MPRIP: variants seen among roughly 807,000 people sequenced by gnomAD.
MPRIP encodes the protein myosin phosphatase Rho-interacting protein.
A neutral mutation model predicts 234.9 loss-of-function variants in MPRIP; 59 were observed. The observed-to-expected ratio is 0.25, with a 90% CI of 0.20 to 0.31. MPRIP has a LOEUF of 0.31. Among genes scored for constraint, MPRIP ranks in the 10% least tolerant of loss-of-function variants. The probability of loss-of-function intolerance (pLI) is 1.00; values close to 1 mark genes in which losing one functional copy is unlikely to be tolerated. For synonymous variants in MPRIP, 1,144 were observed against 1,263.9 expected, an observed-to-expected ratio of 0.91 and a Z score of 2.01; for missense variants, 2,436 against 3,071.0, an observed-to-expected ratio of 0.79 and a Z score of 4.89.
rs541110800 is a variant in MPRIP at position 17,153,622 on chromosome 17, C to T, written c.1720-684C>T. Among the ~76,000 whole-genome samples, 20 of 97,156 alleles carry T rather than the reference C, an allele frequency of 2.1e-4. No individual in the cohort carries two copies. The East Asian group carries it at 6.2e-3, about 30-fold the overall frequency. 63.7% of individuals were successfully genotyped at this position (97,156 alleles called of 152,430 possible). On this transcript the variant is annotated intron_variant, in intron 12 of 23. Coordinates refer to ENST00000651222, the MANE Select transcript of MPRIP (RefSeq NM_001364716.4). ...GGACAAGCCCTAGACTCCACCTCAT[C>T]CAAGCAGGAGTCTAGGGCTTGTCTA...
In MPRIP at chr17:17,192,426, T is replaced by TGGGGGGGGGGGGGGGGGG. The variant is rs1157972241; in HGVS notation, c.*7532_*7533insGGGGGGGGGGGGGGGGGG. The TGGGGGGGGGGGGGGGGGG allele has an allele frequency of 3.4e-4, 1 of 2,962 alleles. No homozygotes were observed. Among genetic ancestry groups the TGGGGGGGGGGGGGGGGGG allele is most frequent in the African/African-American group, 9.4e-4 (1 of 1,068 alleles). 0.2% of individuals were successfully genotyped at this position (2,962 alleles called of 1,614,324 possible). A position where few individuals can be genotyped will look rare whatever the true frequency, so the allele number is the denominator to read the frequency against. On this transcript the variant is annotated 3_prime_UTR_variant, in exon 24 of 24. Coordinates refer to ENST00000651222, the MANE Select transcript of MPRIP (RefSeq NM_001364716.4). ...GACCAGCTGAGCTGCTGCTTTTTTT[T>TGGGGGGGGGGGGGGGGGG]TGGGGGGGGGGGGGGGAGGGGCGTC...
rs776107258 is a variant in MPRIP at position 17,138,426 on chromosome 17, G to A, written c.1247G>A (p.Arg416Gln). The A allele has an allele frequency of 3.2e-5, 8 of 248,062 alleles. No individual in the cohort carries two copies. Among genetic ancestry groups the A allele is most frequent in the Non-Finnish European group, 5.4e-5 (7 of 129,648 alleles). 15.4% of individuals were successfully genotyped at this position (248,062 alleles called of 1,614,324 possible). ...EEVARLFGNE[R>Q]RRSQVIEKFE... ...GTGGCCCGTCTGTTTGGCAACGAGC[G>A]GAGGTAAGGAGCAGGTTAGAGGGTT... Residue 416 changes from arginine (R) to glutamine (Q), a missense_variant, in exon 7 of 24, where the codon CGG (arginine) becomes CAG (glutamine). This residue lies in a region of MPRIP where 267 missense variants were observed against 252.7 expected (regional missense o/e 1.06). Coordinates refer to ENST00000651222, the MANE Select transcript of MPRIP (RefSeq NM_001364716.4). The surrounding 1 kb of genome is among the most constrained non-coding windows in gnomAD (Gnocchi z 5.8).
chr17:17,115,816 G>A (rs2090274493), intron 3 of MPRIP, among the ~76,000 whole-genome samples: 1 of 152,124 alleles, frequency 6.6e-6, no homozygotes, highest in African/African-American at 2.4e-5. Context: ...GGCTGGGGTG[G>A]TGGCTTCAGA....
At chr17:17,133,366 G>A (rs2090634169) in intron 5 of MPRIP, among the ~76,000 whole-genome samples, 1 of 152,204 alleles carries the variant, frequency 6.6e-6, no homozygotes, top group African/African-American at 2.4e-5. Flanking sequence ...AGTCAGTCTT[G>A]TGGGGTGACG....
chr17:17,121,563 C>T (rs1056988355), intron 3 of MPRIP, among the ~76,000 whole-genome samples: 3 of 152,210 alleles, frequency 2.0e-5, no homozygotes, highest in African/African-American at 7.2e-5. Flanking sequence ...ACCATTGTGC[C>T]CTGCGCCTGT....
intron 3 of MPRIP, among the ~76,000 whole-genome samples, chr17:17,121,745 TTA>T (rs1172737023): frequency 6.6e-6 from 1 of 152,202 alleles, no homozygotes; most frequent in African/African-American, 2.4e-5. Flanking sequence ...GTTGTACAGG[TTA>T]TTTCATCACC....
chr17:17,112,765 G>T (rs2090198635), intron 3 of MPRIP, among the ~76,000 whole-genome samples: 1 of 152,240 alleles, frequency 6.6e-6, no homozygotes, highest in Non-Finnish European at 1.5e-5. Flanking sequence ...AGGTGTTTCA[G>T]CGCAGCCGGT....
intron 3 of MPRIP, among the ~76,000 whole-genome samples, chr17:17,112,126 G>A (rs927120477): frequency 6.6e-6 from 1 of 152,150 alleles, no homozygotes; most frequent in African/African-American, 2.4e-5. Flanking sequence ...CTGTGTATGC[G>A]ATGGCAGTGA....
At chr17:17,056,745 A>G (rs1374772255) in intron 1 of MPRIP, among the ~76,000 whole-genome samples, 1 of 152,094 alleles carries the variant, frequency 6.6e-6, no homozygotes, top group Non-Finnish European at 1.5e-5. Context: ...CCATTGCTCC[A>G]AAAGAACCCC....
At chr17:17,149,724 T>C (rs1237426435) in intron 11 of MPRIP, 4 of 105,784 alleles carry the variant, frequency 3.8e-5, no homozygotes, top group South Asian at 3.3e-4. Context: ...TATATTTAAA[T>C]GTATAAAATA....
At chr17:17,107,818 T>C (rs2090092418) in intron 3 of MPRIP, among the ~76,000 whole-genome samples, 1 of 152,252 alleles carries the variant, frequency 6.6e-6, no homozygotes, top group Admixed American at 6.5e-5. Context: ...TTGAAGTCCT[T>C]TGGGCTTCCA....
Position 17,167,352 on chromosome 17 carries a change from G to A in MPRIP, c.5761G>A (p.Ala1921Thr), listed in dbSNP as rs572148296. 9.7e-5 allele frequency: 127 copies of A among 1,304,152 alleles called. No homozygotes were observed. Among genetic ancestry groups the A allele is most frequent in the Admixed American group, 1.6e-4 (7 of 43,562 alleles). The allele number at this position is 1,304,152 out of a possible 1,614,324, so 80.8% of individuals were successfully genotyped here. ...RENAELKAKA[A>T]QLDHQQQCLE... ...GAATGCAGAGCTCAAGGCCAAGGCC[G>A]CCCAGCTAGACCATCAGCAGCAGTG... is the stretch of plus-strand genomic sequence containing the variant. Residue 1921 changes from alanine (A) to threonine (T), a missense_variant, in exon 16 of 24, where the codon GCC becomes ACC. By Grantham distance (58) the Ala-to-Thr change is moderately conservative. This residue lies in a region of MPRIP where 1,998 missense variants were observed against 2,520.3 expected (regional missense o/e 0.79). Coordinates refer to ENST00000651222, the MANE Select transcript of MPRIP (RefSeq NM_001364716.4). This position sits in a 1 kb window ranked among gnomAD's most constrained non-coding sequence, Gnocchi z 5.9.
chr17:17,056,122 G>A (rs972985996), intron 1 of MPRIP, among the ~76,000 whole-genome samples: 19 of 152,274 alleles, frequency 1.2e-4, no homozygotes, highest in Admixed American at 1.1e-3. Flanking sequence ...GTCCAGGAGC[G>A]GGGCTGACCA....
In MPRIP at chr17:17,177,361, A is replaced by T. The variant is rs568785695; in HGVS notation, c.7069A>T (p.Thr2357Ser). ...SRLKEQLKAA[T>S]EALGEKSPDS... ...GTTGAAGGAGCAGCTCAAGGCTGCA[A>T]CGGAAGCACTGGGGGAGAAGTCCCC... The change falls in exon 22 of 24, where the codon ACG (threonine) becomes TCG (serine). Residue 2357 changes from threonine (T) to serine (S), a missense_variant. Around this residue, in one of 4 missense-constraint regions of MPRIP, gnomAD observed 1,998 missense variants for 2,520.3 expected, o/e 0.79. Coordinates refer to ENST00000651222, the MANE Select transcript of MPRIP (RefSeq NM_001364716.4). The T allele has an allele frequency of 6.2e-7, 1 of 1,613,890 alleles. No individual in the cohort carries two copies. The highest frequency in any genetic ancestry group is 1.7e-5 in the Admixed American group (1 of 60,024).
intron 14 of MPRIP, 37 bp downstream of exon 14, chr17:17,159,039 G>T: frequency 6.4e-7 from 1 of 1,569,388 alleles, no homozygotes; most frequent in South Asian, 1.2e-5. Context: ...CCTGCTCCCA[G>T]CAGCCTTTCC....
chr17:17,178,906 G>A (rs1276416256), intron 22 of MPRIP, among the ~76,000 whole-genome samples: 1 of 151,134 alleles, frequency 6.6e-6, no homozygotes, highest in East Asian at 2.0e-4. Context: ...GTGACAGAAT[G>A]AGACCCTGCC....
intron 3 of MPRIP, among the ~76,000 whole-genome samples, chr17:17,126,422 A>T (rs1278617627): frequency 6.6e-6 from 1 of 152,064 alleles, no homozygotes; most frequent in Non-Finnish European, 1.5e-5. Flanking sequence ...CTGTCACCGC[A>T]GCTGTCCCCA....
Position 17,177,315 on chromosome 17 carries a change from G to A in MPRIP, c.7023G>A (p.Lys2341=), listed in dbSNP as rs2144693167. 1.9e-6 allele frequency: 3 copies of A among 1,614,028 alleles called. No homozygotes were observed. In the East Asian group the frequency reaches 6.7e-5, roughly 36 times the overall value. The change falls in exon 22 of 24, where the codon AAG becomes AAA. Residue 2341 remains lysine (K), a synonymous_variant. Coordinates refer to ENST00000651222, the MANE Select transcript of MPRIP (RefSeq NM_001364716.4). ...CAGAGCTCAGCATCGCGAAGGCTAA[G>A]GCTGACTGTGACATCAGCAGGTTGA... ...IYTELSIAKA[K]ADCDISRLKE... is the part of the protein sequence containing the mutation.
At chr17:17,099,067 G>A (rs1009243639) in intron 3 of MPRIP, among the ~76,000 whole-genome samples, 3 of 152,102 alleles carry the variant, frequency 2.0e-5, no homozygotes, top group Non-Finnish European at 2.9e-5. Context: ...GCAAAGGGTC[G>A]ATGTGCAAAA....
Sources: gnomAD v4.1 joint callset for allele counts (sites outside exome capture counted in the v4.1 genomes callset) on GRCh38, gnomAD v4.1.1 for gene constraint, gnomAD v4.1.1 regional missense constraint, Gnocchi (gnomAD v3.1) non-coding constraint, MANE v1.5 for transcripts, NCBI Gene and HGNC (gene_info 2026-07-23, HGNC 2026-07-21) for gene names.